Variants in ATP10B observed in about 807,000 individuals in gnomAD.
ATP10B encodes phospholipid-transporting ATPase VB.
Under a neutral mutation model 141.2 loss-of-function variants are expected in ATP10B, and 122 were observed. That is an observed-to-expected ratio of 0.86 (90% confidence interval 0.75 to 1.00). ATP10B has a LOEUF of 1.00. ATP10B is among the 50% of genes least tolerant of loss of function. The pLI is 0.00. For synonymous variants in ATP10B, 685 were observed against 692.0 expected (o/e 0.99, Z 0.16); for missense variants, 1,876 against 1,825.3 (o/e 1.03, Z -0.51).
intron 1 of ATP10B, among the ~76,000 whole-genome samples, chr5:160,832,103 G>A (rs1412489385): frequency 7.4e-6 from 1 of 135,804 alleles, no homozygotes; most frequent in Non-Finnish European, 1.7e-5. Context: ...CATCCAAGCA[G>A]TATAGCAATA....
the ATP10B span, among the ~76,000 whole-genome samples, chr5:160,879,523 A>C: frequency 2.8e-5 from 4 of 144,414 alleles, no homozygotes; most frequent in East Asian, 8.6e-4. Context: ...GTACCCTAAA[A>C]CTTAAAGTAA....
the ATP10B span, among the ~76,000 whole-genome samples, chr5:160,919,916 T>G: frequency 6.6e-6 from 1 of 152,220 alleles, no homozygotes; most frequent in South Asian, 2.1e-4. Flanking sequence ...TAATGAGGTT[T>G]CAGTTATATT....
chr5:160,773,098 C>T lies in ATP10B; in HGVS notation c.-331+12461G>A, dbSNP rs151180182. ...GTTAATTAACTCTGTGGTTCTGTGACCTTCGGGTTACTTAGCCTCTCTAGG... is the reference window on the plus strand; with the variant it reads ...GTTAATTAACTCTGTGGTTCTGTGATCTTCGGGTTACTTAGCCTCTCTAGG... On this transcript the variant is annotated intron_variant, in intron 2 of 25. Coordinates refer to ENST00000327245, the MANE Select transcript of ATP10B (RefSeq NM_025153.3). Among the ~76,000 whole-genome samples the T allele has an allele frequency of 2.0e-4, 31 of 152,234 alleles. No homozygotes were observed. The East Asian group carries it at 4.4e-3, about 22-fold the overall frequency.
chr5:160,668,216 C>T (rs1445849042), intron 7 of ATP10B, among the ~76,000 whole-genome samples: 4 of 101,834 alleles, frequency 3.9e-5, no homozygotes, highest in East Asian at 2.8e-4. Flanking sequence ...GGTAACAGAG[C>T]GAGACTGTCC....
At chr5:160,830,757 A>G (rs998798316) in intron 1 of ATP10B, among the ~76,000 whole-genome samples, 2 of 152,108 alleles carry the variant, frequency 1.3e-5, no homozygotes, top group East Asian at 1.9e-4. Flanking sequence ...GCTCTAGAGT[A>G]GAAATGAAGA....
At chr5:160,577,329 C>T (rs1467027349) in intron 24 of ATP10B, among the ~76,000 whole-genome samples, 2 of 152,076 alleles carry the variant, frequency 1.3e-5, no homozygotes, top group Non-Finnish European at 1.5e-5. Context: ...CATTTGGTCA[C>T]AGGGCACTGA....
intron 2 of ATP10B, among the ~76,000 whole-genome samples, chr5:160,718,902 G>A (rs1765815376): frequency 6.6e-6 from 1 of 152,098 alleles, no homozygotes. Flanking sequence ...TCGTGAACAG[G>A]GACTACGTCT....
At chr5:160,892,584 T>C in the ATP10B span, among the ~76,000 whole-genome samples, 1 of 152,240 alleles carries the variant, frequency 6.6e-6, no homozygotes, top group Non-Finnish European at 1.5e-5. Flanking sequence ...AAAAACCTTG[T>C]ATTGCTTTTT....
chr5:160,619,841 C>A (rs1254498116), intron 15 of ATP10B, among the ~76,000 whole-genome samples: 1 of 152,134 alleles, frequency 6.6e-6, no homozygotes, highest in Non-Finnish European at 1.5e-5. Context: ...CAGAGTACAC[C>A]AAGCCCAGTG....
At chr5:160,574,049 T>A (rs566977732) in intron 24 of ATP10B, among the ~76,000 whole-genome samples, 1 of 152,356 alleles carries the variant, frequency 6.6e-6, no homozygotes, top group East Asian at 1.9e-4. Context: ...GAGTTTATGA[T>A]CTACTAACAG....
chr5:160,795,251 T>C (rs1447408357), intron 1 of ATP10B, among the ~76,000 whole-genome samples: 1 of 152,210 alleles, frequency 6.6e-6, no homozygotes, highest in African/African-American at 2.4e-5. Flanking sequence ...AAAATATCTT[T>C]CTTAAAGTTT....
At chr5:160,808,387 G>A (rs1190278453) in intron 1 of ATP10B, among the ~76,000 whole-genome samples, 3 of 152,144 alleles carry the variant, frequency 2.0e-5, no homozygotes, top group Admixed American at 2.0e-4. Flanking sequence ...GTCTCTGAGA[G>A]TTATCAGAGG....
chr5:160,596,787 C>T (rs1472013846), intron 22 of ATP10B, among the ~76,000 whole-genome samples: 2 of 152,058 alleles, frequency 1.3e-5, no homozygotes, highest in South Asian at 2.1e-4. Context: ...TGAACTCCCA[C>T]TCACAATTGC....
the ATP10B span, among the ~76,000 whole-genome samples, chr5:160,873,653 G>A: frequency 1.3e-5 from 2 of 152,232 alleles, no homozygotes; most frequent in Admixed American, 1.3e-4. Flanking sequence ...GTGCCAGACA[G>A]TGGACGCAGG....
intron 7 of ATP10B, among the ~76,000 whole-genome samples, chr5:160,662,311 G>T (rs1244569607): frequency 6.6e-6 from 1 of 152,080 alleles, no homozygotes; most frequent in African/African-American, 2.4e-5. Context: ...AGTTCATATG[G>T]AACCAAAAAA....
At chr5:160,889,443 C>G in the ATP10B span, among the ~76,000 whole-genome samples, 28 of 152,310 alleles carry the variant, frequency 1.8e-4, no homozygotes, top group South Asian at 5.8e-3. Flanking sequence ...CTTCCCCTCC[C>G]ACTCCCCAAA....
At chr5:160,753,340 A>G (rs1449160508) in intron 2 of ATP10B, among the ~76,000 whole-genome samples, 1 of 152,218 alleles carries the variant, frequency 6.6e-6, no homozygotes, top group Non-Finnish European at 1.5e-5. Context: ...TACCTTTTCT[A>G]TAAGCACCCT....
the ATP10B span, among the ~76,000 whole-genome samples, chr5:160,874,251 G>A: frequency 2.4e-5 from 2 of 82,758 alleles, no homozygotes; most frequent in African/African-American, 6.8e-5. Context: ...AGGCTAACTG[G>A]GAGGCACCCC....
intron 18 of ATP10B, among the ~76,000 whole-genome samples, chr5:160,610,340 G>A (rs891152602): frequency 3.3e-5 from 5 of 152,160 alleles, no homozygotes; most frequent in African/African-American, 1.2e-4. Flanking sequence ...TAACAGTCAT[G>A]TAGGTGAATT....
Sources: allele counts gnomAD v4.1 joint callset (sites outside exome capture counted in the v4.1 genomes callset), GRCh38; gene constraint gnomAD v4.1.1; transcripts MANE v1.5; gene names NCBI Gene and HGNC (gene_info 2026-07-23, HGNC 2026-07-21).